PSG5: variants seen among roughly 807,000 people sequenced by gnomAD.
PSG5 encodes pregnancy specific beta-1-glycoprotein 5, also known as pregnancy-specific beta-1-glycoprotein 5.
In PSG5, 53 loss-of-function variants were observed where a neutral mutation model predicts 37.7. The observed-to-expected ratio is 1.41, with a 90% CI of 1.13 to 1.77. The LOEUF is 1.77. Among genes scored for constraint, PSG5 ranks in the 40% most tolerant of loss-of-function variants. PSG5 has a pLI of 0.00. For missense variants in PSG5, 547 were observed against 405.2 expected (o/e 1.35, Z -3.00); for synonymous variants, 221 against 155.4 (o/e 1.42, Z -3.14).
chr19:43,178,893 G>A (rs1969068063), intron 2 of PSG5: 4 of 1,612,776 alleles, frequency 2.5e-6, no homozygotes, highest in Middle Eastern at 1.6e-4. Context: ...GAGATTCAGG[G>A]TGACTGGGTC....
chr19:43,173,456 TGA>T (rs1474864752), intron 4 of PSG5, among the ~76,000 whole-genome samples: 2 of 151,568 alleles, frequency 1.3e-5, no homozygotes, highest in African/African-American at 2.4e-5. Context: ...ATTATATGTG[TGA>T]TAAGAAATTA....
At chr19:43,175,496 G>T in intron 3 of PSG5, 27 bp from the exon 4 acceptor site, 2 of 1,583,916 alleles carry the variant, frequency 1.3e-6, no homozygotes, top group Non-Finnish European at 1.7e-6. Flanking sequence ...GAAGCCACAG[G>T]TGATGTCATC....
chr19:43,181,707 C>T (rs368250227), intron 2 of PSG5, among the ~76,000 whole-genome samples: 2 of 151,914 alleles, frequency 1.3e-5, no homozygotes, highest in African/African-American at 4.8e-5. Context: ...CCCGCCTCGG[C>T]CTCCCAAAGT....
At chr19:43,180,852 T>A (rs1389481208) in intron 2 of PSG5, among the ~76,000 whole-genome samples, 1 of 151,446 alleles carries the variant, frequency 6.6e-6, no homozygotes, top group Non-Finnish European at 1.5e-5. Context: ...GTCAATTACA[T>A]AAAGGGAGGA....
intron 2 of PSG5, among the ~76,000 whole-genome samples, chr19:43,177,222 G>A (rs1464052335): frequency 6.6e-6 from 1 of 151,530 alleles, no homozygotes; most frequent in East Asian, 1.9e-4. Context: ...AGTTGTTCAT[G>A]GGTGTGCAGT....
rs550524070 is a variant in PSG5, at chr19:43,186,414, C to G, written c.-9G>C. ...GCTGAGAGGGGCCCCATGGTCTCTG[C>G]GCCTGCGTGTTCTCCTCTGTGGAGC... On this transcript the variant is annotated 5_prime_UTR_variant, in exon 1 of 6. Transcript: ENST00000342951. The G allele has an allele frequency of 6.2e-7, 1 of 1,611,984 alleles. No homozygotes were observed. Among genetic ancestry groups the G allele is most frequent in the Non-Finnish European group, 8.5e-7 (1 of 1,178,782 alleles).
intron 2 of PSG5, chr19:43,180,529 A>G (rs1440736822): frequency 6.6e-6 from 1 of 151,524 alleles, no homozygotes; most frequent in African/African-American, 2.4e-5. Context: ...TCCGATGCTC[A>G]ATTCGTAATA....
At chr19:43,168,482 C>T (rs2122190699) in intron 5 of PSG5, among the ~76,000 whole-genome samples, 1 of 151,608 alleles carries the variant, frequency 6.6e-6, no homozygotes, top group East Asian at 1.9e-4. Context: ...CATTCTCCTG[C>T]CTCAGCCTCC....
At chr19:43,176,914 G>A (rs1204732840) in intron 2 of PSG5, among the ~76,000 whole-genome samples, 2 of 151,448 alleles carry the variant, frequency 1.3e-5, no homozygotes, top group East Asian at 1.9e-4. Flanking sequence ...CTTCTGCAGA[G>A]GGCAGGTGAG....
chr19:43,184,710 G>A, intron 2 of PSG5, 72 bp downstream of exon 2: 1 of 1,603,962 alleles, frequency 6.2e-7, no homozygotes. Flanking sequence ...GTGCAGGCCT[G>A]ACAATCCTGT....
At chr19:43,170,767 G>C (rs1273307278) in intron 4 of PSG5, 1 of 158,702 alleles carries the variant, frequency 6.3e-6, no homozygotes, top group Non-Finnish European at 1.4e-5. Flanking sequence ...GCTCTGCATA[G>C]TGGTCTGTGG....
Position 43,185,039 on chromosome 19 carries a change from A to T in PSG5, c.173T>A (p.Leu58Ter). Residue 58 changes from leucine (L) to a stop codon, truncating the protein, a stop_gained, in exon 2 of 6, where the codon TTG (leucine) becomes TAG (stop). Coordinates refer to ENST00000342951, the MANE Select transcript of PSG5 (RefSeq NM_002781.4). LOFTEE classifies it high-confidence loss of function. ...GATGTAGCCAGCAAGATTCTGAGGCAAATTGTGGACAAGTAGAAGAACATC... is the reference window on the plus strand; with the variant it reads ...GATGTAGCCAGCAAGATTCTGAGGCTAATTGTGGACAAGTAGAAGAACATC... ...GKDVLLLVHN[L>*]PQNLAGYIWY... 1 of 1,612,688 alleles carries T rather than the reference A, an allele frequency of 6.2e-7. No individual in the cohort carries two copies. Among genetic ancestry groups the T allele is most frequent in the Non-Finnish European group, 8.5e-7 (1 of 1,179,208 alleles).
intron 2 of PSG5, chr19:43,179,112 C>A (rs570295336): frequency 6.2e-7 from 1 of 1,607,234 alleles, no homozygotes; most frequent in Non-Finnish European, 8.5e-7. Context: ...CATGGCCTCC[C>A]TGGGGTTTAA....
chr19:43,172,066 T>C (rs1181064283), intron 4 of PSG5, among the ~76,000 whole-genome samples: 3 of 150,684 alleles, frequency 2.0e-5, no homozygotes, highest in African/African-American at 7.3e-5. Context: ...ATGAAAGTAC[T>C]ATAAATAATT....
At position 43,186,399 on chromosome 19, in the gene PSG5, G is replaced by T. The variant is rs111780366; in HGVS notation, c.7C>A (p.Pro3Thr). 5.3e-5 allele frequency: 86 copies of T among 1,612,246 alleles called. 2 individuals carry two copies. In the African/African-American group the frequency reaches 6.8e-4, roughly 13 times the overall value. The change falls in exon 1 of 6, where the codon CCC becomes ACC. Residue 3 changes from proline (P) to threonine (T), a missense_variant. Physicochemically the swap from Pro to Thr is conservative, Grantham distance 38 (BLOSUM62 -1). Coordinates refer to ENST00000342951, the MANE Select transcript of PSG5 (RefSeq NM_002781.4). Reference protein sequence around the residue: MGPLSAPPCTQHI... With the variant: MGTLSAPPCTQHI... ...TGTGTGCAGGGAGGGGCTGAGAGGG[G>T]CCCCATGGTCTCTGCGCCTGCGTGT...
chr19:43,176,094 T>C lies in PSG5; in HGVS notation c.485A>G (p.Lys162Arg). The C allele has an allele frequency of 2.5e-6, 4 of 1,611,170 alleles. No individual in the cohort carries two copies. Among genetic ancestry groups the C allele is most frequent in the Non-Finnish European group, 3.4e-6 (4 of 1,179,186 alleles). Reference sequence around the variant, plus strand: ...TTCACAGGTGAAGGCTAAGACATCCTTATTCTCCCTGGGTTTTGAGTTGTT... The same window carrying C: ...TTCACAGGTGAAGGCTAAGACATCCCTATTCTCCCTGGGTTTTGAGTTGTT... Reference protein sequence around the residue: ...TINNSKPRENKDVLAFTCEPK... With the variant: ...TINNSKPRENRDVLAFTCEPK... The change falls in exon 3 of 6, where the codon AAG (lysine) becomes AGG (arginine). Residue 162 changes from lysine (K) to arginine (R), a missense_variant. Transcript: ENST00000342951.
intron 1 of PSG5, 135 bp from the exon 2 acceptor site, chr19:43,185,282 A>C: frequency 1.6e-6 from 2 of 1,251,940 alleles, no homozygotes; most frequent in Non-Finnish European, 2.2e-6. Context: ...ACACACACAC[A>C]AAAGGTGCAT....
At position 43,185,001 on chromosome 19, in the gene PSG5, G is replaced by T. The variant is rs760079282; in HGVS notation, c.211C>A (p.Gln71Lys). The T allele has an allele frequency of 1.2e-6, 2 of 1,612,606 alleles. No homozygotes were observed. The highest frequency in any genetic ancestry group is 8.5e-7 in the Non-Finnish European group (1 of 1,179,176). Reference sequence around the variant, plus strand: ...ATGTAATGGTAGAGGTCCATCAGTTGTCCTTTGTACCAGATGTAGCCAGCA... The same window carrying T: ...ATGTAATGGTAGAGGTCCATCAGTTTTCCTTTGTACCAGATGTAGCCAGCA... ...NLAGYIWYKG[Q>K]LMDLYHYITS... Residue 71 changes from glutamine (Q) to lysine (K), a missense_variant, in exon 2 of 6, where the codon CAA (glutamine) becomes AAA (lysine). By Grantham distance (53) the Gln-to-Lys change is moderately conservative. Transcript: ENST00000342951.
chr19:43,171,554 A>C (rs112879791), intron 4 of PSG5: 53 of 387,898 alleles, frequency 1.4e-4, no homozygotes, highest in African/African-American at 3.4e-4. Context: ...AGAATGGAAA[A>C]AGAATAGAGG....
Sources: allele counts gnomAD v4.1 joint callset (sites outside exome capture counted in the v4.1 genomes callset), GRCh38; gene constraint gnomAD v4.1.1; transcripts MANE v1.5; gene names NCBI Gene and HGNC (gene_info 2026-07-23, HGNC 2026-07-21).